The following KYNU variants were observed in gnomAD, a reference collection of about 807,000 sequenced individuals.
KYNU encodes the protein L-kynurenine hydrolase.
A neutral mutation model predicts 59.2 loss-of-function variants in KYNU; 54 were observed. The observed-to-expected ratio is 0.91, with a 90% CI of 0.73 to 1.14. The LOEUF (loss-of-function observed/expected upper bound fraction) is 1.14. Ranked by LOEUF, KYNU falls within the 50% of genes most tolerant of loss-of-function variation. KYNU has a pLI of 0.00. For synonymous variants in KYNU, 177 were observed against 192.0 expected (o/e 0.92, Z 0.65); for missense variants, 567 against 554.4 (o/e 1.02, Z -0.23).
chr2:142,928,245 TA>T (rs1683103357), intron 4 of KYNU, among the ~76,000 whole-genome samples: 3 of 152,206 alleles, frequency 2.0e-5, no homozygotes, highest in African/African-American at 4.8e-5. Flanking sequence ...TGTGCTATCC[TA>T]AAGAGAGTTA....
rs949217675 is a variant in KYNU at position 142,954,743 on chromosome 2, T to C, written c.374-67T>C. On this transcript the variant is annotated intron_variant, in intron 4 of 13. Transcript: ENST00000264170. ...TAAGAATGATTGAGTGAAGTCTTCCTACTTTGTTTTTTCAGTATCTTTAGA... is the reference window on the plus strand; with the variant it reads ...TAAGAATGATTGAGTGAAGTCTTCCCACTTTGTTTTTTCAGTATCTTTAGA... The C allele has an allele frequency of 1.6e-5, 16 of 989,076 alleles. No homozygotes were observed. In the African/African-American group the frequency reaches 2.2e-4, roughly 14 times the overall value. 61.3% of individuals were successfully genotyped at this position (989,076 alleles called of 1,614,324 possible).
chr2:142,905,799 G>T (rs1426424295), intron 2 of KYNU, among the ~76,000 whole-genome samples: 1 of 152,152 alleles, frequency 6.6e-6, no homozygotes, highest in Non-Finnish European at 1.5e-5. Context: ...GAAGGCTACA[G>T]GTTGTCAGTG....
intron 8 of KYNU, among the ~76,000 whole-genome samples, chr2:142,961,882 T>TA (rs1684365314): frequency 6.6e-6 from 1 of 152,202 alleles, no homozygotes; most frequent in African/African-American, 2.4e-5. Flanking sequence ...ATTAATAAGT[T>TA]ATGGGATTAA....
intron 10 of KYNU, among the ~76,000 whole-genome samples, chr2:143,020,954 A>G (rs1261568474): frequency 1.3e-5 from 2 of 152,336 alleles, no homozygotes; most frequent in East Asian, 3.9e-4. Context: ...TAGAGTACAT[A>G]ATCAGACTTT....
chr2:142,922,293 G>C (rs1682908766), intron 3 of KYNU, among the ~76,000 whole-genome samples: 1 of 152,176 alleles, frequency 6.6e-6, no homozygotes, highest in Non-Finnish European at 1.5e-5. Flanking sequence ...TTGAGTTCAG[G>C]AGTTTGAGAC....
At chr2:143,001,325 T>C (rs1174579064) in intron 10 of KYNU, among the ~76,000 whole-genome samples, 5 of 152,160 alleles carry the variant, frequency 3.3e-5, no homozygotes, top group Non-Finnish European at 5.9e-5. Flanking sequence ...GCAGAGACAA[T>C]GCCTGTTTTG....
At position 143,021,265 on chromosome 2, in the gene KYNU, G is replaced by A. The variant is rs137916742; in HGVS notation, c.903-8362G>A. Among the ~76,000 whole-genome samples, 368 of 152,140 alleles carry A rather than the reference G, an allele frequency of 2.4e-3. 4 individuals carry two copies. The highest frequency in any genetic ancestry group is 8.4e-3 in the African/African-American group (350 of 41,538). On this transcript the variant is annotated intron_variant, in intron 10 of 13. Transcript: ENST00000264170. ...TTCTCTTCTGATTCATTGGTCTATA[G>A]AGTTGATCCTGAGTTTCTCTAGCTT...
At chr2:142,921,351 T>G (rs1347304680) in intron 3 of KYNU, among the ~76,000 whole-genome samples, 1 of 152,166 alleles carries the variant, frequency 6.6e-6, no homozygotes, top group Non-Finnish European at 1.5e-5. Flanking sequence ...AGCAGCTGTA[T>G]TTTTAGGAGG....
intron 10 of KYNU, among the ~76,000 whole-genome samples, chr2:142,993,705 G>A (rs866922225): frequency 2.0e-5 from 3 of 151,920 alleles, no homozygotes; most frequent in Admixed American, 6.6e-5. Context: ...TAACTTACAT[G>A]CATTGAGGCA....
chr2:142,892,717 T>G (rs1320476101), intron 2 of KYNU, among the ~76,000 whole-genome samples: 2 of 152,244 alleles, frequency 1.3e-5, no homozygotes, highest in Admixed American at 6.5e-5. Context: ...CCATAATTTC[T>G]GTTTTAGGTG....
chr2:143,004,852 G>C (rs188766425), intron 10 of KYNU, among the ~76,000 whole-genome samples: 9 of 152,244 alleles, frequency 5.9e-5, no homozygotes, highest in Admixed American at 5.9e-4. Context: ...GTGTCACCTG[G>C]AGGGAAGTTA....
In KYNU at chr2:143,050,486, T is replaced by C. The variant is rs577435651; in HGVS notation, c.*8314T>C. 1.3e-5 allele frequency: 2 copies of C among 152,332 alleles called. No individual in the cohort carries two copies. Among genetic ancestry groups the C allele is most frequent in the Non-Finnish European group, 2.9e-5 (2 of 68,036 alleles). The allele number at this position is 152,332 out of a possible 1,614,324, so 9.4% of individuals were successfully genotyped here. On this transcript the variant is annotated 3_prime_UTR_variant, in exon 14 of 14. Transcript: ENST00000264170. The stretch of plus-strand genomic sequence containing the variant: ...CAAAGGACATGATCTCATTCCTCAA[T>C]ACTATGGCTACGTAGTATTCCATGG...
At chr2:142,880,846 T>C (rs1681271099) in intron 1 of KYNU, among the ~76,000 whole-genome samples, 1 of 152,210 alleles carries the variant, frequency 6.6e-6, no homozygotes, top group African/African-American at 2.4e-5. Context: ...GCAGTTTCCT[T>C]CATCAGAAAG....
chr2:142,981,637 C>T (rs1210570500), intron 8 of KYNU, among the ~76,000 whole-genome samples: 1 of 151,928 alleles, frequency 6.6e-6, no homozygotes, highest in Non-Finnish European at 1.5e-5. Flanking sequence ...TTTCATGGTA[C>T]GTATTGCTCA....
chr2:142,957,560 T>A, intron 6 of KYNU, 81 bp from the exon 7 acceptor site: 1 of 878,720 alleles, frequency 1.1e-6, no homozygotes, highest in Non-Finnish European at 1.9e-6. Flanking sequence ...TATGCCCTTA[T>A]TTTTACTTTA....
At chr2:142,988,905 G>A in intron 10 of KYNU, 2 of 1,601,168 alleles carry the variant, frequency 1.2e-6, no homozygotes, top group Non-Finnish European at 1.7e-6. Flanking sequence ...CAAGGACAAG[G>A]TATTTTCCAG....
chr2:142,962,693 T>C (rs1264612738), intron 8 of KYNU, among the ~76,000 whole-genome samples: 1 of 152,234 alleles, frequency 6.6e-6, no homozygotes, highest in African/African-American at 2.4e-5. Flanking sequence ...AATGAGCAGC[T>C]TTAAGTGTAA....
intron 3 of KYNU, among the ~76,000 whole-genome samples, chr2:142,926,311 T>C (rs982852202): frequency 6.6e-6 from 1 of 152,180 alleles, no homozygotes; most frequent in Non-Finnish European, 1.5e-5. Flanking sequence ...TATAGCAGGC[T>C]CAAATATTTA....
intron 4 of KYNU, among the ~76,000 whole-genome samples, chr2:142,953,654 C>G (rs2105081089): frequency 6.6e-6 from 1 of 152,194 alleles, no homozygotes; most frequent in African/African-American, 2.4e-5. Flanking sequence ...CTTACTGCCC[C>G]TTGACGTTAG....
Sources: allele counts gnomAD v4.1 joint callset (sites outside exome capture counted in the v4.1 genomes callset), GRCh38; gene constraint gnomAD v4.1.1; transcripts MANE v1.5; gene names NCBI Gene and HGNC (gene_info 2026-07-23, HGNC 2026-07-21).